The following PSD3 variants were observed in gnomAD, a reference collection of about 807,000 sequenced individuals.
PSD3 encodes pleckstrin and Sec7 domain containing 3, also known as PH and SEC7 domain-containing protein 3.
In PSD3, 49 loss-of-function variants were observed where a neutral mutation model predicts 105.5. That is an observed-to-expected ratio of 0.46 (90% CI 0.37 to 0.59). The LOEUF (loss-of-function observed/expected upper bound fraction) is 0.59. Among genes scored for constraint, PSD3 ranks in the 20% least tolerant of loss-of-function variants. The pLI, the probability that PSD3 is intolerant of heterozygous loss-of-function variation, is 0.00. For missense variants in PSD3, 1,561 were observed against 1,263.8 expected (o/e 1.24, Z -3.57); for synonymous variants, 557 against 457.8 (o/e 1.22, Z -2.77).
chr8:19,067,803 T>A (rs918102446), intron 1 of PSD3, among the ~76,000 whole-genome samples: 15 of 152,216 alleles, frequency 9.9e-5, no homozygotes, highest in African/African-American at 3.6e-4. Context: ...GGGTGACTAC[T>A]GGGCTTATCA....
chr8:18,544,718 A>G (rs1460747588), intron 15 of PSD3, among the ~76,000 whole-genome samples: 1 of 152,198 alleles, frequency 6.6e-6, no homozygotes, highest in Non-Finnish European at 1.5e-5. Context: ...AGCACAGTCC[A>G]GGAGGCCTGG....
chr8:18,602,519 T>A (rs1172200612), intron 11 of PSD3, among the ~76,000 whole-genome samples: 1 of 152,000 alleles, frequency 6.6e-6, no homozygotes, highest in East Asian at 1.9e-4. Context: ...CAACCTATAA[T>A]CCTCCCAAAA....
chr8:18,922,531 G>A lies in PSD3; in HGVS notation c.130+13503C>T, dbSNP rs1024864360. 4.6e-5 allele frequency among the ~76,000 whole-genome samples: 7 copies of A among 152,104 alleles called. No individual in the cohort carries two copies. In the East Asian group the frequency reaches 1.2e-3, roughly 25 times the overall value. Reference sequence around the variant, plus strand: ...TGACCAAATGTTTTCCCCACAAACCGAGCAAGCAATCAATTCTGCAGGATA... The same window carrying A: ...TGACCAAATGTTTTCCCCACAAACCAAGCAAGCAATCAATTCTGCAGGATA... On this transcript the variant is annotated intron_variant, in intron 2 of 15. Transcript: ENST00000327040.
At chr8:18,890,399 A>G (rs1202550359) in intron 2 of PSD3, among the ~76,000 whole-genome samples, 1 of 152,066 alleles carries the variant, frequency 6.6e-6, no homozygotes, top group South Asian at 2.1e-4. Context: ...CTTAATCTAG[A>G]GAGAAAATCA....
chr8:18,819,655 T>C (rs2638633), intron 4 of PSD3, among the ~76,000 whole-genome samples: 54,945 of 147,958 alleles, frequency 0.37, 10,593 homozygotes, highest in East Asian at 0.76. Context: ...CTTGGCTCAC[T>C]GCAACCTCCG....
At chr8:18,998,361 C>T (rs1470844335) in intron 1 of PSD3, among the ~76,000 whole-genome samples, 2 of 151,976 alleles carry the variant, frequency 1.3e-5, no homozygotes, top group African/African-American at 2.4e-5. Flanking sequence ...TTTCTCAAAA[C>T]CCTGGACCTT....
intron 10 of PSD3, among the ~76,000 whole-genome samples, chr8:18,639,266 T>G (rs1301190701): frequency 6.6e-6 from 1 of 152,128 alleles, no homozygotes; most frequent in Non-Finnish European, 1.5e-5. Flanking sequence ...ATGTGGCTTT[T>G]TTTTTTAATT....
intron 12 of PSD3, among the ~76,000 whole-genome samples, chr8:18,595,507 A>AC (rs1721507584): frequency 6.6e-6 from 1 of 151,336 alleles, no homozygotes; most frequent in South Asian, 2.1e-4. Context: ...AGAGAGAAAA[A>AC]AAAACCCAAG....
chr8:18,958,453 T>C (rs1473266858), intron 1 of PSD3, among the ~76,000 whole-genome samples: 1 of 152,228 alleles, frequency 6.6e-6, no homozygotes, highest in African/African-American at 2.4e-5. Context: ...TTTATTTACT[T>C]TTGGGTTCCC....
chr8:18,659,118 T>G (rs993024641), intron 9 of PSD3, among the ~76,000 whole-genome samples: 1 of 151,876 alleles, frequency 6.6e-6, no homozygotes, highest in East Asian at 1.9e-4. Flanking sequence ...GACTAGGGGG[T>G]TGTGGGGAGG....
intron 8 of PSD3, among the ~76,000 whole-genome samples, chr8:18,783,334 A>G (rs192186130): frequency 6.6e-6 from 1 of 152,240 alleles, no homozygotes; most frequent in Admixed American, 6.5e-5. Context: ...TGATTTTAGT[A>G]ATTTGAGAGT....
At chr8:18,805,004 G>C (rs1325911738) in intron 4 of PSD3, 106 bp from the exon 5 acceptor site, 2 of 963,580 alleles carry the variant, frequency 2.1e-6, no homozygotes, top group Non-Finnish European at 3.1e-6. Flanking sequence ...GCTACACTTA[G>C]ATGAGATCAC....
intron 1 of PSD3, among the ~76,000 whole-genome samples, chr8:19,028,223 T>G (rs1211155131): frequency 2.6e-5 from 4 of 151,886 alleles, no homozygotes; most frequent in Admixed American, 6.6e-5. Context: ...TATTTTCACT[T>G]TGTGTGTCTT....
intron 4 of PSD3, among the ~76,000 whole-genome samples, chr8:18,845,494 A>G (rs969726146): frequency 2.0e-5 from 3 of 152,198 alleles, no homozygotes; most frequent in Non-Finnish European, 4.4e-5. Flanking sequence ...AGGTGCGTCC[A>G]CACTGAGAGT....
chr8:18,986,904 G>A (rs1225086381), intron 1 of PSD3, among the ~76,000 whole-genome samples: 1 of 152,078 alleles, frequency 6.6e-6, no homozygotes, highest in Non-Finnish European at 1.5e-5. Flanking sequence ...CACACCGTGG[G>A]CCTACTTTAA....
At position 18,535,735 on chromosome 8, in the gene PSD3, G is replaced by T; in HGVS notation, c.*8C>A. The T allele has an allele frequency of 6.3e-7, 1 of 1,598,238 alleles. No individual in the cohort carries two copies. The highest frequency in any genetic ancestry group is 8.6e-7 in the Non-Finnish European group (1 of 1,165,660). ...CCATGACCAGCACTTCCTGGCCGCA[G>T]ATGGACTCTAAGTAACTTTTTGCTT... On this transcript the variant is annotated 3_prime_UTR_variant, in exon 16 of 16. Coordinates refer to ENST00000327040, the MANE Select transcript of PSD3 (RefSeq NM_015310.4).
At chr8:18,601,997 G>C (rs1334207814) in intron 11 of PSD3, among the ~76,000 whole-genome samples, 5 of 152,094 alleles carry the variant, frequency 3.3e-5, no homozygotes, top group Non-Finnish European at 5.9e-5. Context: ...CCCCTAACAA[G>C]TCACTCTACT....
chr8:18,938,104 T>A (rs1458518266), intron 1 of PSD3, among the ~76,000 whole-genome samples: 3 of 152,200 alleles, frequency 2.0e-5, no homozygotes, highest in African/African-American at 4.8e-5. Context: ...TTTTATGGGA[T>A]ACAGTGATTC....
chr8:18,582,283 TA>T (rs1477728912), intron 12 of PSD3, among the ~76,000 whole-genome samples: 1 of 152,184 alleles, frequency 6.6e-6, no homozygotes, highest in African/African-American at 2.4e-5. Context: ...GAAACTGCTT[TA>T]TCGATAATTT....
Sources: allele counts gnomAD v4.1 joint callset (sites outside exome capture counted in the v4.1 genomes callset), GRCh38; gene constraint gnomAD v4.1.1; transcripts MANE v1.5; gene names NCBI Gene and HGNC (gene_info 2026-07-23, HGNC 2026-07-21).